Variants in PLEKHH2 observed in about 807,000 individuals in gnomAD.
The protein encoded by PLEKHH2 is pleckstrin homology, MyTH4 and FERM domain containing H2.
In PLEKHH2, 129 loss-of-function variants were observed where a neutral mutation model predicts 187.9. The observed-to-expected ratio is 0.69, with a 90% CI of 0.59 to 0.79. PLEKHH2 has a LOEUF of 0.79. PLEKHH2 is among the 30% of genes least tolerant of loss of function. The pLI, the probability that PLEKHH2 is intolerant of heterozygous loss-of-function variation, is 0.00. For synonymous variants in PLEKHH2, 686 were observed against 605.6 expected, an observed-to-expected ratio of 1.13 and a Z score of -1.95; for missense variants, 2,076 against 1,751.2, an observed-to-expected ratio of 1.19 and a Z score of -3.31.
intron 16 of PLEKHH2, among the ~76,000 whole-genome samples, chr2:43,721,637 A>G (rs1010419378): frequency 6.6e-6 from 1 of 152,182 alleles, no homozygotes; most frequent in African/African-American, 2.4e-5. Context: ...TAATCCCAGC[A>G]CTTTGGGAGG....
intron 11 of PLEKHH2, 115 bp from the exon 12 acceptor site, chr2:43,709,875 A>T: frequency 9.4e-7 from 1 of 1,063,200 alleles, no homozygotes; most frequent in Admixed American, 2.5e-5. Context: ...GAATAAATCT[A>T]GTCTAGGGAG....
At chr2:43,744,494 A>G (rs1671694277) in intron 23 of PLEKHH2, among the ~76,000 whole-genome samples, 1 of 152,204 alleles carries the variant, frequency 6.6e-6, no homozygotes, top group Admixed American at 6.5e-5. Flanking sequence ...AGTGCTGTGA[A>G]CTTTGCACAG....
At chr2:43,721,352 A>G (rs1670468728) in intron 16 of PLEKHH2, among the ~76,000 whole-genome samples, 1 of 152,166 alleles carries the variant, frequency 6.6e-6, no homozygotes, top group African/African-American at 2.4e-5. Context: ...AATTGAACCA[A>G]CATGGGCCAC....
rs1667792830 is a variant in PLEKHH2, at chr2:43,676,399, C to T, written c.124-2464C>T. 3 of 1,228,250 alleles carry T rather than the reference C, an allele frequency of 2.4e-6. No individual in the cohort carries two copies. In the South Asian group the frequency reaches 4.7e-5, roughly 19 times the overall value. The allele number at this position is 1,228,250 out of a possible 1,614,324, so 76.1% of individuals were successfully genotyped here. A position where few individuals can be genotyped will look rare whatever the true frequency, so the allele number is the denominator to read the frequency against. Reference sequence around the variant, plus strand: ...TCCTGGGGTCCCGCGCCTTCCGGAGCTGGCGGCTGCGCTCCCGGTTGGGCC... The same window carrying T: ...TCCTGGGGTCCCGCGCCTTCCGGAGTTGGCGGCTGCGCTCCCGGTTGGGCC... On this transcript the variant is annotated intron_variant, in intron 2 of 29. Transcript: ENST00000282406.
At chr2:43,752,075 C>T (rs1371612105) in intron 24 of PLEKHH2, among the ~76,000 whole-genome samples, 1 of 152,102 alleles carries the variant, frequency 6.6e-6, no homozygotes, top group Admixed American at 6.6e-5. Context: ...ACCAAACCTT[C>T]CAGTGGTAAC....
At chr2:43,685,690 C>T (rs927477802) in intron 3 of PLEKHH2, among the ~76,000 whole-genome samples, 4 of 151,566 alleles carry the variant, frequency 2.6e-5, no homozygotes, top group Non-Finnish European at 5.9e-5. Flanking sequence ...AATCCTCCAG[C>T]CTCAGCCTTC....
chr2:43,750,622 A>G (rs752039858), intron 24 of PLEKHH2, among the ~76,000 whole-genome samples: 1 of 152,184 alleles, frequency 6.6e-6, no homozygotes, highest in Non-Finnish European at 1.5e-5. Flanking sequence ...CTTTGTATGC[A>G]TTCTTACATA....
In PLEKHH2 at chr2:43,644,811, T is replaced by C; in HGVS notation, c.123+15T>C. ...TAGCAGAGAAGGTAAGCTTTCTCCCTAAGCTTTGTTATTAAATGTCAGCTA... is the reference window on the plus strand; with the variant it reads ...TAGCAGAGAAGGTAAGCTTTCTCCCCAAGCTTTGTTATTAAATGTCAGCTA... On this transcript the variant is annotated intron_variant, in intron 2 of 29. Coordinates refer to ENST00000282406, the MANE Select transcript of PLEKHH2 (RefSeq NM_172069.4). 1 of 1,589,448 alleles carries C rather than the reference T, an allele frequency of 6.3e-7. No homozygotes were observed. The highest frequency in any genetic ancestry group is 8.6e-7 in the Non-Finnish European group (1 of 1,168,378).
chr2:43,729,937 T>G (rs1572631736), intron 18 of PLEKHH2, among the ~76,000 whole-genome samples, 192 bp downstream of exon 18: 2 of 152,056 alleles, frequency 1.3e-5, no homozygotes, highest in African/African-American at 4.8e-5. Context: ...CATTCCTCAT[T>G]AGTCTGTGTC....
In PLEKHH2 at chr2:43,655,532, G is replaced by A. The variant is rs1213076247; in HGVS notation, c.123+10736G>A. ...AAAATTTAGGTAATTATGTATCTTT[G>A]ATGGACAATGGAAGATGCTAAATGT... On this transcript the variant is annotated intron_variant, in intron 2 of 29. Coordinates refer to ENST00000282406, the MANE Select transcript of PLEKHH2 (RefSeq NM_172069.4). Among the ~76,000 whole-genome samples the A allele has an allele frequency of 2.0e-5, 3 of 152,198 alleles. No homozygotes were observed. The East Asian group carries it at 5.8e-4, about 29-fold the overall frequency.
Position 43,765,744 on chromosome 2 carries a change from G to A in PLEKHH2, c.*146G>A. The A allele has an allele frequency of 1.4e-6, 1 of 699,092 alleles. No homozygotes were observed. The highest frequency in any genetic ancestry group is 2.2e-6 in the Non-Finnish European group (1 of 460,608). 43.3% of individuals were successfully genotyped at this position (699,092 alleles called of 1,614,324 possible). On this transcript the variant is annotated 3_prime_UTR_variant, in exon 30 of 30. Coordinates refer to ENST00000282406, the MANE Select transcript of PLEKHH2 (RefSeq NM_172069.4). Reference sequence around the variant, plus strand: ...TGAAGGGGGTTAGTCTCTTTTATTTGATTCTTAAATATTCAAATAAATATT... The same window carrying A: ...TGAAGGGGGTTAGTCTCTTTTATTTAATTCTTAAATATTCAAATAAATATT...
intron 5 of PLEKHH2, among the ~76,000 whole-genome samples, chr2:43,694,792 A>T (rs948175021): frequency 1.3e-5 from 2 of 152,194 alleles, no homozygotes; most frequent in Admixed American, 6.5e-5. Flanking sequence ...TAGGACATAC[A>T]TCTATATCTC....
intron 26 of PLEKHH2, among the ~76,000 whole-genome samples, chr2:43,758,128 T>C (rs1034012749): frequency 2.6e-5 from 4 of 152,370 alleles, no homozygotes; most frequent in Middle Eastern, 3.4e-3. Context: ...TTTGTCTATG[T>C]AGAATAAGTG....
chr2:43,652,106 A>T (rs75292495), intron 2 of PLEKHH2, among the ~76,000 whole-genome samples: 7,362 of 152,262 alleles, frequency 0.048, 237 homozygotes, highest in Non-Finnish European at 0.069. Flanking sequence ...GAGGTCATAG[A>T]TGCCATAGCT....
intron 24 of PLEKHH2, among the ~76,000 whole-genome samples, chr2:43,750,380 G>A (rs1345272937): frequency 6.6e-6 from 1 of 152,080 alleles, no homozygotes; most frequent in Non-Finnish European, 1.5e-5. Flanking sequence ...GCTGGGGCAG[G>A]AGAATCGCAT....
intron 3 of PLEKHH2, 135 bp downstream of exon 3, chr2:43,679,060 A>G (rs1668026760): frequency 2.0e-6 from 1 of 497,478 alleles, no homozygotes; most frequent in South Asian, 5.6e-5. Context: ...TGATCCATAA[A>G]GAAAATGGAG....
intron 7 of PLEKHH2, among the ~76,000 whole-genome samples, chr2:43,698,311 G>A (rs1669191701): frequency 6.7e-6 from 1 of 149,254 alleles, no homozygotes; most frequent in Admixed American, 6.7e-5. Flanking sequence ...GCAGTGGCAC[G>A]ATCACAGCTC....
At chr2:43,726,535 T>A (rs1670759431) in intron 17 of PLEKHH2, 84 bp downstream of exon 17, 1 of 1,325,792 alleles carries the variant, frequency 7.5e-7, no homozygotes, top group South Asian at 1.4e-5. Flanking sequence ...ATCAATTTAA[T>A]GGAAATAAGG....
At chr2:43,654,212 T>C (rs1055845066) in intron 2 of PLEKHH2, among the ~76,000 whole-genome samples, 2 of 152,210 alleles carry the variant, frequency 1.3e-5, no homozygotes, top group Non-Finnish European at 2.9e-5. Flanking sequence ...TATTTATTTA[T>C]TGAGACGGAG....
Sources: allele counts gnomAD v4.1 joint callset (sites outside exome capture counted in the v4.1 genomes callset), GRCh38; gene constraint gnomAD v4.1.1; transcripts MANE v1.5; gene names NCBI Gene and HGNC (gene_info 2026-07-23, HGNC 2026-07-21).